Variants in TMEM54 observed in about 807,000 individuals in gnomAD.
TMEM54 encodes the protein beta-casein-like protein.
A neutral mutation model predicts 21.3 loss-of-function variants in TMEM54; 21 were observed. The observed-to-expected ratio is 0.99, with a 90% CI of 0.70 to 1.42. The LOEUF (loss-of-function observed/expected upper bound fraction) is 1.42. TMEM54 is among the 40% of genes most tolerant of loss of function. The pLI, the probability that TMEM54 is intolerant of heterozygous loss-of-function variation, is 0.00. For synonymous variants in TMEM54, 109 were observed against 125.0 expected (o/e 0.87, Z 0.86); for missense variants, 246 against 294.0 (o/e 0.84, Z 1.19).
At position 32,901,061 on chromosome 1, in the gene TMEM54, CTG is replaced by C. The variant is rs1641715484; in HGVS notation, c.16+160_16+161del. ...CCCCTCCATTTCACTGCTGGGGAAA[CTG>C]AGGCCCAGAGAGGAAAGTGACCCGA... On this transcript the variant is annotated intron_variant, in intron 1 of 5. Transcript: ENST00000373463. This position sits in a 1 kb window ranked among gnomAD's most constrained non-coding sequence, Gnocchi z 4.2. Among the ~76,000 whole-genome samples, 1 of 152,182 alleles carries C rather than the reference CTG, an allele frequency of 6.6e-6. No homozygotes were observed. Among genetic ancestry groups the C allele is most frequent in the South Asian group, 2.1e-4 (1 of 4,834 alleles).
At chr1:32,900,392 T>G (rs2124057741) in intron 1 of TMEM54, among the ~76,000 whole-genome samples, 1 of 152,156 alleles carries the variant, frequency 6.6e-6, no homozygotes, top group Non-Finnish European at 1.5e-5. Context: ...TTTTTTTTCT[T>G]TATTTAAATT....
Position 32,896,943 on chromosome 1 carries a change from G to A in TMEM54, c.211-974C>T, listed in dbSNP as rs1490079527. The stretch of plus-strand genomic sequence containing the variant: ...GTTTGGCTTCTGTGTATCAGCAGGA[G>A]GTTGGGTGAATCCCTGAGTCTTGGT... On this transcript the variant is annotated intron_variant, in intron 2 of 5. Transcript: ENST00000373463. The surrounding 1 kb of genome is among the most constrained non-coding windows in gnomAD (Gnocchi z 4.1). Among the ~76,000 whole-genome samples, 3 of 152,246 alleles carry A rather than the reference G, an allele frequency of 2.0e-5. No homozygotes were observed. Among genetic ancestry groups the A allele is most frequent in the African/African-American group, 7.2e-5 (3 of 41,464 alleles).
At chr1:32,898,012 T>C (rs1292814617) in intron 2 of TMEM54, 114 bp downstream of exon 2, 19 of 964,870 alleles carry the variant, frequency 2.0e-5, no homozygotes, top group Non-Finnish European at 2.8e-5. Context: ...AGACAAAGGG[T>C]TAGTCCTTGA....
At chr1:32,900,816 G>T (rs764838550) in intron 1 of TMEM54, among the ~76,000 whole-genome samples, 2 of 152,232 alleles carry the variant, frequency 1.3e-5, no homozygotes, top group East Asian at 1.9e-4. Flanking sequence ...GGCCTCGGGA[G>T]AGTGGAGAGT....
At position 32,895,745 on chromosome 1, in the gene TMEM54, T is replaced by C; in HGVS notation, c.271-2A>G. ...GCTCGAGCTAAACACTGTCCAGCGC[T>C]GGACGGGGGAGGCCACTGGTCAATG... On this transcript the variant is annotated splice_acceptor_variant, in intron 3 of 5. Transcript: ENST00000373463. LOFTEE classifies it high-confidence loss of function. This position sits in a 1 kb window ranked among gnomAD's most constrained non-coding sequence, Gnocchi z 5.8. 6.4e-7 allele frequency: 1 copy of C among 1,554,712 alleles called. No individual in the cohort carries two copies. The highest frequency in any genetic ancestry group is 1.2e-5 in the South Asian group (1 of 84,502).
Position 32,898,274 on chromosome 1 carries a change from C to A in TMEM54, c.62G>T (p.Gly21Val), listed in dbSNP as rs187595196. The A allele has an allele frequency of 1.2e-5, 19 of 1,611,770 alleles. No individual in the cohort carries two copies. The African/African-American group carries it at 2.5e-4, about 21-fold the overall frequency. ...GDFRKVLMKT[G>V]LVLVVLGHVS... is the part of the protein sequence containing the mutation. The stretch of plus-strand genomic sequence containing the variant: ...ATGGCCCAGCACCACCAGCACCAGG[C>A]CTGTCTTCATCAGCACCTTCCGGAA... Residue 21 changes from glycine (G) to valine (V), a missense_variant, in exon 2 of 6, where the codon GGC becomes GTC. Coordinates refer to ENST00000373463, the MANE Select transcript of TMEM54 (RefSeq NM_033504.4).
chr1:32,895,715 G>GC lies in TMEM54; in HGVS notation c.298dup (p.Ala100GlyfsTer38). On this transcript the variant is annotated frameshift_variant, in exon 4 of 6. Coordinates refer to ENST00000373463, the MANE Select transcript of TMEM54 (RefSeq NM_033504.4). LOFTEE classifies it high-confidence loss of function. The surrounding 1 kb of genome is among the most constrained non-coding windows in gnomAD (Gnocchi z 5.8). ...ACAGGTCAGAGAAAGGAGAGCACAG[G>GC]CCACGCTCGAGCTAAACACTGTCCA... 6.4e-7 allele frequency: 1 copy of GC among 1,558,762 alleles called. No homozygotes were observed. Among genetic ancestry groups the GC allele is most frequent in the Non-Finnish European group, 8.7e-7 (1 of 1,151,236 alleles).
In TMEM54 at chr1:32,895,780, C is replaced by T. The variant is rs1158568247; in HGVS notation, c.271-37G>A. 5.2e-6 allele frequency: 8 copies of T among 1,548,684 alleles called. No individual in the cohort carries two copies. The highest frequency in any genetic ancestry group is 1.4e-5 in the African/African-American group (1 of 73,478). On this transcript the variant is annotated intron_variant, in intron 3 of 5. Coordinates refer to ENST00000373463, the MANE Select transcript of TMEM54 (RefSeq NM_033504.4). The surrounding 1 kb of genome is among the most constrained non-coding windows in gnomAD (Gnocchi z 5.8). ...AGGCCACTGGTCAATGGGCGTCGTGCTTGGCCCCCATGGGCAGCTCTGGCC... is the reference window on the plus strand; with the variant it reads ...AGGCCACTGGTCAATGGGCGTCGTGTTTGGCCCCCATGGGCAGCTCTGGCC...
chr1:32,895,367 C>T lies in TMEM54; in HGVS notation c.532G>A (p.Ala178Thr), dbSNP rs752272963. ...VAENVFAVRC[A>T]QLTHQLLELR... ...TCCAGCAGCTGGTGGGTGAGCTGAGCACAGCGTACAGCAAACACGTTCTCC... is the reference window on the plus strand; with the variant it reads ...TCCAGCAGCTGGTGGGTGAGCTGAGTACAGCGTACAGCAAACACGTTCTCC... Residue 178 changes from alanine to threonine, a missense_variant, in exon 5 of 6, where the codon GCT becomes ACT. Physicochemically the swap from Ala to Thr is moderately conservative, Grantham distance 58 (BLOSUM62 0). Transcript: ENST00000373463. The surrounding 1 kb of genome is among the most constrained non-coding windows in gnomAD (Gnocchi z 5.8). 3 of 1,613,968 alleles carry T rather than the reference C, an allele frequency of 1.9e-6. No homozygotes were observed. Among genetic ancestry groups the T allele is most frequent in the Non-Finnish European group, 2.5e-6 (3 of 1,179,960 alleles).
intron 1 of TMEM54, 63 bp from the exon 2 acceptor site, chr1:32,898,382 C>T (rs1641650365): frequency 4.0e-6 from 6 of 1,487,522 alleles, no homozygotes; most frequent in Non-Finnish European, 5.5e-6. Context: ...GAAGGGGAAG[C>T]TGAGGCCCTG....
Position 32,895,207 on chromosome 1 carries a change from G to C in TMEM54, c.594+98C>G. On this transcript the variant is annotated intron_variant, in intron 5 of 5. Transcript: ENST00000373463. The surrounding 1 kb of genome is among the most constrained non-coding windows in gnomAD (Gnocchi z 5.8). The stretch of plus-strand genomic sequence containing the variant: ...AGAAAACTTCTGCCCCATTTCTCAA[G>C]GTGGGGGCCCATACATAGGGGTGGG... 1 of 1,456,584 alleles carries C rather than the reference G, an allele frequency of 6.9e-7. No homozygotes were observed. Among genetic ancestry groups the C allele is most frequent in the Non-Finnish European group, 9.2e-7 (1 of 1,090,654 alleles). 90.2% of individuals were successfully genotyped at this position (1,456,584 alleles called of 1,614,324 possible).
chr1:32,898,858 C>A (rs2124052136), intron 1 of TMEM54, among the ~76,000 whole-genome samples: 1 of 152,284 alleles, frequency 6.6e-6, no homozygotes, highest in African/African-American at 2.4e-5. Context: ...CTGAACTGCC[C>A]AGAGCCAGGT....
rs769784790 is a variant in TMEM54 at position 32,898,106 on chromosome 1, C to A, written c.210+20G>T. ...CCCTCCAGCCTCCTCCCACCAACCACCCTCCCAGCCTGGCCATACCACGAT... is the reference window on the plus strand; with the variant it reads ...CCCTCCAGCCTCCTCCCACCAACCAACCTCCCAGCCTGGCCATACCACGAT... On this transcript the variant is annotated intron_variant, in intron 2 of 5. Coordinates refer to ENST00000373463, the MANE Select transcript of TMEM54 (RefSeq NM_033504.4). 1 of 1,577,080 alleles carries A rather than the reference C, an allele frequency of 6.3e-7. No individual in the cohort carries two copies. The highest frequency in any genetic ancestry group is 1.7e-5 in the Admixed American group (1 of 59,310).
chr1:32,898,804 C>T (rs1015852640), intron 1 of TMEM54, among the ~76,000 whole-genome samples: 19 of 152,316 alleles, frequency 1.2e-4, no homozygotes, highest in Middle Eastern at 3.4e-3. Context: ...CTCAGATTCA[C>T]GGATAGGGCC....
chr1:32,898,229 G>A lies in TMEM54; in HGVS notation c.107C>T (p.Ala36Val), dbSNP rs1288371683. The part of the protein sequence containing the change: ...VLGHVSFITA[A>V]LFHGTVLRYV... Reference sequence around the variant, plus strand: ...GCGCAGCACTGTGCCATGGAACAGGGCAGCTGTGATGAAGCTCACATGGCC... The same window carrying A: ...GCGCAGCACTGTGCCATGGAACAGGACAGCTGTGATGAAGCTCACATGGCC... The change falls in exon 2 of 6, where the codon GCC becomes GTC. Residue 36 changes from alanine (A) to valine (V), a missense_variant. By Grantham distance (64) the Ala-to-Val change is moderately conservative. Coordinates refer to ENST00000373463, the MANE Select transcript of TMEM54 (RefSeq NM_033504.4). The A allele has an allele frequency of 2.5e-6, 4 of 1,613,678 alleles. No individual in the cohort carries two copies. The highest frequency in any genetic ancestry group is 3.4e-6 in the Non-Finnish European group (4 of 1,179,650).
intron 2 of TMEM54, 57 bp downstream of exon 2, chr1:32,898,069 A>T: frequency 6.6e-7 from 1 of 1,509,506 alleles, no homozygotes; most frequent in Non-Finnish European, 9.1e-7. Flanking sequence ...CCTGTTGAAG[A>T]CCCTTCAAGC....
Position 32,898,235 on chromosome 1 carries a change from G to A in TMEM54, c.101C>T (p.Thr34Ile), listed in dbSNP as rs532277702. The change falls in exon 2 of 6, where the codon ACA becomes ATA. Residue 34 changes from threonine to isoleucine, a missense_variant. Physicochemically the swap from Thr to Ile is moderately conservative, Grantham distance 89 (BLOSUM62 -1). Coordinates refer to ENST00000373463, the MANE Select transcript of TMEM54 (RefSeq NM_033504.4). ...CACTGTGCCATGGAACAGGGCAGCTGTGATGAAGCTCACATGGCCCAGCAC... is the reference window on the plus strand; with the variant it reads ...CACTGTGCCATGGAACAGGGCAGCTATGATGAAGCTCACATGGCCCAGCAC... ...LVVLGHVSFI[T>I]AALFHGTVLR... 5.5e-5 allele frequency: 88 copies of A among 1,613,670 alleles called. 1 individual carries two copies. The South Asian group carries it at 8.6e-4, about 16-fold the overall frequency.
chr1:32,899,801 A>G (rs1036739074), intron 1 of TMEM54, among the ~76,000 whole-genome samples: 5 of 152,178 alleles, frequency 3.3e-5, no homozygotes, highest in Non-Finnish European at 5.9e-5. Flanking sequence ...GGATGGGGCT[A>G]TTCAGTCACA....
Position 32,895,666 on chromosome 1 carries a change from G to A in TMEM54, c.348C>T (p.Ile116=), listed in dbSNP as rs549967614. 1.2e-5 allele frequency: 19 copies of A among 1,563,114 alleles called. No homozygotes were observed. Among genetic ancestry groups the A allele is most frequent in the African/African-American group, 2.7e-5 (2 of 74,070 alleles). Residue 116 remains isoleucine, a synonymous_variant, in exon 4 of 6, where the codon ATC becomes ATT. Coordinates refer to ENST00000373463, the MANE Select transcript of TMEM54 (RefSeq NM_033504.4). This position sits in a 1 kb window ranked among gnomAD's most constrained non-coding sequence, Gnocchi z 5.8. The part of the protein sequence containing the change: ...LTCALGLLAS[I]AMTFATQGKA... The stretch of plus-strand genomic sequence containing the variant: ...TGCCCTGGGTGGCAAAGGTCATGGC[G>A]ATGGAGGCCAAGAGGCCGAGGGCAC...
Sources: gnomAD v4.1 joint callset for allele counts (sites outside exome capture counted in the v4.1 genomes callset) on GRCh38, gnomAD v4.1.1 for gene constraint, Gnocchi (gnomAD v3.1) non-coding constraint, MANE v1.5 for transcripts, NCBI Gene and HGNC (gene_info 2026-07-23, HGNC 2026-07-21) for gene names.